ZNF735: variants seen among roughly 807,000 people sequenced by gnomAD.
The protein encoded by ZNF735 is zinc finger protein 735, also known as putative zinc finger protein 735.
Under a neutral mutation model 13.4 loss-of-function variants are expected in ZNF735, and 11 were observed. The ratio of observed to expected loss-of-function variants is 0.82; its 90% CI spans 0.52 to 1.36. The LOEUF (loss-of-function observed/expected upper bound fraction) is 1.36. ZNF735 is among the 40% of genes most tolerant of loss of function. The pLI, the probability that ZNF735 is intolerant of heterozygous loss-of-function variation, is 0.00. For missense variants in ZNF735, 500 were observed against 484.6 expected, an observed-to-expected ratio of 1.03 and a Z score of -0.30; for synonymous variants, 171 against 162.6, an observed-to-expected ratio of 1.05 and a Z score of -0.39.
At chr7:64,219,882 C>T (rs769452656) in exon 4 of ZNF735, 12 of 1,613,858 alleles carry the variant, frequency 7.4e-6, no homozygotes, top group Non-Finnish European at 1.0e-5. Context: ...GTGGCCAAGC[C>T]TTTAGGCGCT....
intron 3 of ZNF735, among the ~76,000 whole-genome samples, 194 bp from the exon 4 acceptor site, chr7:64,219,120 T>C (rs539355839): frequency 6.6e-6 from 1 of 152,220 alleles, no homozygotes; most frequent in Non-Finnish European, 1.5e-5. Flanking sequence ...TTACTTTATT[T>C]ATAAACTTCC....
At chr7:64,217,321 G>A (rs1787434438) in intron 3 of ZNF735, among the ~76,000 whole-genome samples, 1 of 152,134 alleles carries the variant, frequency 6.6e-6, no homozygotes, top group African/African-American at 2.4e-5. Flanking sequence ...ACAGATGCTG[G>A]CATATACTTC....
At chr7:64,214,225 AGCT>A in intron 3 of ZNF735, 117 bp downstream of exon 3, 1 of 1,123,596 alleles carries the variant, frequency 8.9e-7, no homozygotes, top group South Asian at 1.6e-5. Flanking sequence ...GTTTCTGAGA[AGCT>A]TGAGTATTTT....
chr7:64,215,070 T>C (rs890478676), intron 3 of ZNF735, among the ~76,000 whole-genome samples: 1 of 151,920 alleles, frequency 6.6e-6, no homozygotes, highest in African/African-American at 2.4e-5. Context: ...TTTTTCTTTT[T>C]TTTTTTTTGA....
At chr7:64,211,948 G>A (rs1451326922) in intron 1 of ZNF735, among the ~76,000 whole-genome samples, 1 of 151,206 alleles carries the variant, frequency 6.6e-6, no homozygotes, top group African/African-American at 2.4e-5. Flanking sequence ...TTTTCTGAGA[G>A]GAGAGAAATA....
At chr7:64,208,251 T>G (rs1230858735) in intron 1 of ZNF735, among the ~76,000 whole-genome samples, 1 of 57,068 alleles carries the variant, frequency 1.8e-5, no homozygotes, top group Non-Finnish European at 3.6e-5. Flanking sequence ...AATGTTTTTT[T>G]TTTTTTTTTT....
exon 4 of ZNF735, chr7:64,219,896 C>T (rs1156956516): frequency 6.2e-7 from 1 of 1,613,394 alleles, no homozygotes; most frequent in Non-Finnish European, 8.5e-7. Context: ...AGGCGCTCCT[C>T]AACACTTACT....
At chr7:64,210,616 G>A (rs911627346) in intron 1 of ZNF735, among the ~76,000 whole-genome samples, 15 of 152,198 alleles carry the variant, frequency 9.9e-5, no homozygotes, top group East Asian at 3.8e-4. Context: ...TGCCTGCCCT[G>A]TTTCAGTTTG....
At chr7:64,217,505 T>C (rs1787436532) in intron 3 of ZNF735, among the ~76,000 whole-genome samples, 1 of 152,066 alleles carries the variant, frequency 6.6e-6, no homozygotes, top group Admixed American at 6.5e-5. Flanking sequence ...ATTTTTTATT[T>C]ATTATTGAAA....
intron 1 of ZNF735, among the ~76,000 whole-genome samples, chr7:64,211,900 T>C (rs1367992143): frequency 6.7e-5 from 10 of 148,582 alleles, no homozygotes; most frequent in Non-Finnish European, 3.0e-5. Context: ...AATATATATA[T>C]ATATATATTT....
intron 1 of ZNF735, 88 bp downstream of exon 1, chr7:64,207,329 G>T (rs914029103): frequency 3.1e-6 from 5 of 1,612,094 alleles, no homozygotes; most frequent in African/African-American, 1.3e-5. Flanking sequence ...ATACTTCCTC[G>T]CAGTCAGCTC....
chr7:64,219,755 T>A (rs117101774), exon 4 of ZNF735: 35,339 of 1,608,880 alleles, frequency 0.022, 1,627 homozygotes, highest in East Asian at 0.19. Context: ...AAAAGAATTC[T>A]TACTGGAGAG....
chr7:64,213,146 T>G, exon 2 of ZNF735: 18 of 1,613,200 alleles, frequency 1.1e-5, no homozygotes, highest in Non-Finnish European at 1.4e-5. Flanking sequence ...GGAGTGGCAA[T>G]GCCTGGATCA....
chr7:64,216,423 A>C, intron 3 of ZNF735, among the ~76,000 whole-genome samples: 1 of 152,200 alleles, frequency 6.6e-6, no homozygotes, highest in East Asian at 1.9e-4. Context: ...TGTCACTTAA[A>C]TATGTTGAGC....
exon 4 of ZNF735, chr7:64,219,848 A>G (rs1205400550): frequency 4.0e-5 from 64 of 1,613,730 alleles, no homozygotes; most frequent in Non-Finnish European, 5.3e-5. Flanking sequence ...CACACTGGAG[A>G]GAAACCCTAC....
intron 1 of ZNF735, 133 bp from the exon 2 acceptor site, chr7:64,212,959 A>G: frequency 4.4e-6 from 4 of 906,866 alleles, no homozygotes. Flanking sequence ...TATCTTACTG[A>G]GTAATTTCAG....
chr7:64,212,000 T>C (rs2116480890), intron 1 of ZNF735, among the ~76,000 whole-genome samples: 1 of 152,082 alleles, frequency 6.6e-6, no homozygotes, highest in Middle Eastern at 3.4e-3. Context: ...CAGCACATAA[T>C]AAAAATGTGT....
chr7:64,212,779 A>C (rs1382702089), intron 1 of ZNF735, among the ~76,000 whole-genome samples: 1 of 148,364 alleles, frequency 6.7e-6, no homozygotes, highest in African/African-American at 2.5e-5. Context: ...CAACAGAGTG[A>C]GACTTGGTAA....
chr7:64,208,244 GTTTTTTTTTTTTTTT>G (rs71060562), intron 1 of ZNF735, among the ~76,000 whole-genome samples: 144 of 93,074 alleles, frequency 1.5e-3, no homozygotes, highest in Middle Eastern at 8.6e-3. Context: ...TCCAATAAAT[GTTTTTTTTTTTTTTT>G]TTTTTTTTTT....
Sources: gnomAD v4.1 joint callset for allele counts (sites outside exome capture counted in the v4.1 genomes callset) on GRCh38, gnomAD v4.1.1 for gene constraint, MANE v1.5 for transcripts, NCBI Gene and HGNC (gene_info 2026-07-23, HGNC 2026-07-21) for gene names.